Variants in LRCH1 observed in about 807,000 individuals in gnomAD.
LRCH1 encodes leucine rich repeats and calponin homology domain containing 1.
In LRCH1, 23 loss-of-function variants were observed where a neutral mutation model predicts 94.9. The ratio of observed to expected loss-of-function variants is 0.24; its 90% CI spans 0.17 to 0.34. The LOEUF (loss-of-function observed/expected upper bound fraction) is 0.34. Ranked by LOEUF, LRCH1 falls within the 10% of genes least tolerant of loss-of-function variation. LRCH1 has a pLI of 1.00. For missense variants in LRCH1, 790 were observed against 945.9 expected (o/e 0.84, Z 2.16); for synonymous variants, 364 against 354.9 (o/e 1.03, Z -0.29).
chr13:46,652,278 A>G (rs917486940), intron 2 of LRCH1, among the ~76,000 whole-genome samples: 6 of 151,292 alleles, frequency 4.0e-5, no homozygotes, highest in Non-Finnish European at 7.4e-5. Flanking sequence ...GGGTTTCACC[A>G]TGTTAGCCAG....
At chr13:46,579,114 C>G (rs2050336794) in intron 1 of LRCH1, among the ~76,000 whole-genome samples, 1 of 152,172 alleles carries the variant, frequency 6.6e-6, no homozygotes, top group Admixed American at 6.5e-5. Flanking sequence ...AGCCCTTGGA[C>G]TAAAAACAAA....
chr13:46,687,790 T>C, intron 5 of LRCH1, 62 bp from the exon 6 acceptor site: 1 of 1,418,598 alleles, frequency 7.0e-7, no homozygotes, highest in African/African-American at 1.4e-5. Flanking sequence ...AGTAAGGATT[T>C]GATACTTACA....
intron 1 of LRCH1, among the ~76,000 whole-genome samples, chr13:46,577,956 T>C (rs2050322092): frequency 6.6e-6 from 1 of 152,204 alleles, no homozygotes; most frequent in Admixed American, 6.6e-5. Flanking sequence ...AGGGCAGTGG[T>C]GCCCACTAAA....
intron 1 of LRCH1, among the ~76,000 whole-genome samples, chr13:46,562,076 T>A (rs1171342970): frequency 1.3e-5 from 2 of 152,218 alleles, no homozygotes; most frequent in African/African-American, 4.8e-5. Flanking sequence ...AAAACATTGA[T>A]GGATTACTCT....
intron 11 of LRCH1, among the ~76,000 whole-genome samples, chr13:46,701,925 G>C (rs1871498108): frequency 6.6e-6 from 1 of 152,138 alleles, no homozygotes. Context: ...ATCCTAGCTG[G>C]GTTCTGCAAA....
rs546728395 is a variant in LRCH1 at position 46,586,569 on chromosome 13, A to G, written c.307+32866A>G. On this transcript the variant is annotated intron_variant, in intron 1 of 19. Transcript: ENST00000389797. ...ATAGCTGGGACTATAGGCACACGCC[A>G]CCAACACCCAACTGATTGTTGTATT... 1.1e-3 allele frequency among the ~76,000 whole-genome samples: 169 copies of G among 152,282 alleles called. 1 individual carries two copies. Among genetic ancestry groups the G allele is most frequent in the Non-Finnish European group, 1.7e-3 (119 of 68,018 alleles).
chr13:46,731,748 C>T (rs563835167), intron 18 of LRCH1, among the ~76,000 whole-genome samples: 147 of 152,274 alleles, frequency 9.7e-4, no homozygotes, highest in African/African-American at 3.0e-3. Context: ...TCTTCTCTGC[C>T]GTTGCTCTTT....
At chr13:46,739,794 C>T (rs1873561532) in intron 19 of LRCH1, among the ~76,000 whole-genome samples, 1 of 152,118 alleles carries the variant, frequency 6.6e-6, no homozygotes, top group South Asian at 2.1e-4. Flanking sequence ...CTAGGTCTCA[C>T]CCACTTTAAT....
At chr13:46,750,336 A>G (rs973088036) in intron 18 of LRCH1, among the ~76,000 whole-genome samples, 1 of 152,184 alleles carries the variant, frequency 6.6e-6, no homozygotes, top group African/African-American at 2.4e-5. Flanking sequence ...AACAAACTGC[A>G]TGTGTGAAAA....
intron 1 of LRCH1, among the ~76,000 whole-genome samples, chr13:46,602,708 T>A (rs2050640721): frequency 6.6e-6 from 1 of 152,152 alleles, no homozygotes; most frequent in Non-Finnish European, 1.5e-5. Flanking sequence ...ATCCCTACAC[T>A]TTGGGAGGCC....
At chr13:46,574,746 G>A (rs1329676493) in intron 1 of LRCH1, among the ~76,000 whole-genome samples, 1 of 149,520 alleles carries the variant, frequency 6.7e-6, no homozygotes, top group Non-Finnish European at 1.5e-5. Context: ...TTTTTAAAAA[G>A]TCAACCCATG....
At chr13:46,679,549 G>A (rs1033411967) in intron 3 of LRCH1, among the ~76,000 whole-genome samples, 4 of 152,176 alleles carry the variant, frequency 2.6e-5, no homozygotes, top group South Asian at 4.1e-4. Flanking sequence ...TTCCTTTGAC[G>A]TTTTTGTCTC....
chr13:46,553,615 C>T lies in LRCH1; in HGVS notation c.219C>T (p.Ser73=). 2.5e-6 allele frequency: 4 copies of T among 1,575,348 alleles called. No homozygotes were observed. The highest frequency in any genetic ancestry group is 1.7e-4 in the Middle Eastern group (1 of 6,002). ...LERALEEAAN[S]GGLNLSARKL... ...GCGCGCTTGAGGAGGCGGCCAACTCCGGGGGGCTGAACCTGAGCGCCAGGA... is the reference window on the plus strand; with the variant it reads ...GCGCGCTTGAGGAGGCGGCCAACTCTGGGGGGCTGAACCTGAGCGCCAGGA... Residue 73 remains serine (S), a synonymous_variant, in exon 1 of 20, where the codon TCC becomes TCT. Transcript: ENST00000389797.
downstream of LRCH1, among the ~76,000 whole-genome samples, chr13:46,745,482 G>A (rs912050640): frequency 1.3e-5 from 2 of 152,084 alleles, no homozygotes; most frequent in Non-Finnish European, 2.9e-5. Flanking sequence ...GAATAGCCAG[G>A]TGGAGTGGGG....
intron 4 of LRCH1, among the ~76,000 whole-genome samples, chr13:46,685,124 C>T (rs1312812344): frequency 6.6e-6 from 1 of 152,192 alleles, no homozygotes; most frequent in African/African-American, 2.4e-5. Context: ...TTCATAGCCC[C>T]TCACACAGAG....
At chr13:46,579,459 TTTTC>T (rs201944914) in intron 1 of LRCH1, among the ~76,000 whole-genome samples, 2,287 of 47,722 alleles carry the variant, frequency 0.048, 57 homozygotes, top group African/African-American at 0.27. Context: ...TTGGAATTTC[TTTTC>T]TTTTTTTTTT....
At chr13:46,711,735 C>G in intron 13 of LRCH1, 56 bp from the exon 14 acceptor site, 3 of 1,358,498 alleles carry the variant, frequency 2.2e-6, no homozygotes, top group Non-Finnish European at 3.1e-6. Context: ...GAATTTCTTG[C>G]CTCAACAGTT....
At chr13:46,713,399 G>C (rs1872169477) in intron 15 of LRCH1, among the ~76,000 whole-genome samples, 1 of 152,166 alleles carries the variant, frequency 6.6e-6, no homozygotes, top group South Asian at 2.1e-4. Context: ...GAACTCAGAT[G>C]TTCTTGAGTT....
At chr13:46,584,766 T>C (rs888706952) in intron 1 of LRCH1, among the ~76,000 whole-genome samples, 2 of 152,170 alleles carry the variant, frequency 1.3e-5, no homozygotes, top group Non-Finnish European at 2.9e-5. Flanking sequence ...AACATGGCCA[T>C]TTCAGTCTGA....
Sources: allele counts gnomAD v4.1 joint callset (sites outside exome capture counted in the v4.1 genomes callset), GRCh38; gene constraint gnomAD v4.1.1; transcripts MANE v1.5; gene names NCBI Gene and HGNC (gene_info 2026-07-23, HGNC 2026-07-21).